The following AVIL variants were observed in gnomAD, a reference collection of about 807,000 sequenced individuals.
The protein encoded by AVIL is advillin.
Under a neutral mutation model 109.9 loss-of-function variants are expected in AVIL, and 78 were observed. The observed-to-expected ratio is 0.71, with a 90% CI of 0.59 to 0.86. AVIL has a LOEUF of 0.86. Ranked by LOEUF, AVIL falls within the 40% of genes least tolerant of loss-of-function variation. The probability of loss-of-function intolerance (pLI) is 0.00; values close to 1 mark genes in which losing one functional copy is unlikely to be tolerated. For missense variants in AVIL, 892 were observed against 1,016.5 expected (o/e 0.88, Z 1.67); for synonymous variants, 367 against 379.1 (o/e 0.97, Z 0.37).
chr12:57,815,884 G>A, intron 2 of AVIL, 91 bp downstream of exon 2: 1 of 1,593,458 alleles, frequency 6.3e-7, no homozygotes, highest in Non-Finnish European at 8.5e-7. Flanking sequence ...AGGCTAAGGG[G>A]TGCTGGCGGG....
intron 14 of AVIL, among the ~76,000 whole-genome samples, chr12:57,804,615 C>T (rs1441706106): frequency 6.6e-6 from 1 of 152,006 alleles, no homozygotes; most frequent in African/African-American, 2.4e-5. Context: ...AGTTCGAGAG[C>T]AGCCTGGGCA....
intron 13 of AVIL, 81 bp from the exon 14 acceptor site, chr12:57,806,620 A>C (rs1955951720): frequency 1.3e-6 from 2 of 1,494,988 alleles, no homozygotes; most frequent in African/African-American, 2.8e-5. Flanking sequence ...GGGAAACGTG[A>C]ATGTTATAGT....
intron 11 of AVIL, 188 bp downstream of exon 11, chr12:57,808,006 A>G (rs1316806918): frequency 2.5e-6 from 2 of 804,254 alleles, no homozygotes; most frequent in Admixed American, 2.0e-5. Context: ...TTGATAGCAC[A>G]TTTGAGGATG....
In AVIL at chr12:57,813,279, CCT is replaced by C; in HGVS notation, c.284_285del (p.Glu95GlyfsTer5). ...AAAGTGTCTGACTCATGGTACTGGA[CCT>C]CTCGGTGCTGCACAGGGCTGCCTCC... Reference protein sequence around the residue: ...YLGGSPVQHREVQYHESDTFR... With the variant: ...YLGGSPVQHRXVQYHESDTFR... On this transcript the variant is annotated frameshift_variant, in exon 4 of 20. Coordinates refer to ENST00000549994, the MANE Select transcript of AVIL (RefSeq NM_006576.4). LOFTEE classifies it high-confidence loss of function. 1 of 1,614,074 alleles carries C rather than the reference CCT, an allele frequency of 6.2e-7. No individual in the cohort carries two copies.
chr12:57,810,354 C>G lies in AVIL; in HGVS notation c.756G>C (p.Leu252Phe). 15 of 1,614,172 alleles carry G rather than the reference C, an allele frequency of 9.3e-6. No homozygotes were observed. The highest frequency in any genetic ancestry group is 1.3e-5 in the Non-Finnish European group (15 of 1,180,032). The change falls in exon 7 of 20, where the codon TTG (leucine) becomes TTC (phenylalanine). Residue 252 changes from leucine (L) to phenylalanine (F), a missense_variant. Coordinates refer to ENST00000549994, the MANE Select transcript of AVIL (RefSeq NM_006576.4). ...IDQKQKSTIM[L>F]YHISDSAGQL... The stretch of plus-strand genomic sequence containing the variant: ...AACCAGGTTGAGCTACTCACTGATA[C>G]AACATGATAGTTGATTTCTGCTTCT...
intron 1 of AVIL, among the ~76,000 whole-genome samples, chr12:57,818,019 TTTG>T (rs1322760063): frequency 7.9e-5 from 12 of 151,860 alleles, no homozygotes; most frequent in East Asian, 1.9e-4. Context: ...GAAGCTGTTT[TTTG>T]TTGTTGTTGT....
intron 3 of AVIL, 97 bp downstream of exon 3, chr12:57,814,055 G>C: frequency 7.6e-7 from 1 of 1,307,656 alleles, no homozygotes; most frequent in East Asian, 2.5e-5. Flanking sequence ...ACCGATACCA[G>C]GGACTGACTA....
chr12:57,803,409 T>A lies in AVIL; in HGVS notation c.1818-18A>T. On this transcript the variant is annotated intron_variant, in intron 15 of 19. Transcript: ENST00000549994. The stretch of plus-strand genomic sequence containing the variant: ...GCTGAAGTCTGCAATATAGTCCATT[T>A]AAGGGCATCAAGCTGCTTAGAAATG... The A allele has an allele frequency of 1.2e-6, 2 of 1,614,168 alleles. No homozygotes were observed. The highest frequency in any genetic ancestry group is 1.7e-6 in the Non-Finnish European group (2 of 1,179,998).
At position 57,802,181 on chromosome 12, in the gene AVIL, G is replaced by A. The variant is rs1013967039; in HGVS notation, c.2130C>T (p.Ala710=). Residue 710 remains alanine (A), a synonymous_variant, in exon 17 of 20, where the codon GCC becomes GCT. Coordinates refer to ENST00000549994, the MANE Select transcript of AVIL (RefSeq NM_006576.4). ...EPPIFTGWFL[A]WDPNIWSAGK... ...TTACACTCCAAATGTTAGGGTCCCA[G>A]GCTAGGAACCAGCCTGTGAAGATGG... The A allele has an allele frequency of 7.4e-6, 12 of 1,613,852 alleles. No individual in the cohort carries two copies. The Admixed American group carries it at 1.0e-4, about 13-fold the overall frequency.
chr12:57,799,762 C>T (rs1955808536), intron 19 of AVIL, 33 bp downstream of exon 19: 3 of 1,612,442 alleles, frequency 1.9e-6, no homozygotes, highest in South Asian at 2.2e-5. Context: ...GAGAGCTCCA[C>T]TTCCAACAGA....
rs766498172 is a variant in AVIL at position 57,810,479 on chromosome 12, C to G, written c.631G>C (p.Asp211His). ...AGCTCTGGGCTGGCTGCCTCCTTGT[C>G]TCCCTCGATCACTCCTATTTTAGCA... Reference protein sequence around the residue: ...GRAKIGVIEGDKEAASPELMK... With the variant: ...GRAKIGVIEGHKEAASPELMK... Residue 211 changes from aspartate to histidine, a missense_variant, in exon 7 of 20, where the codon GAC becomes CAC. Asp to His is a moderately conservative substitution (Grantham distance 81, BLOSUM62 -1). Transcript: ENST00000549994. 1.2e-6 allele frequency: 2 copies of G among 1,614,172 alleles called. No individual in the cohort carries two copies. Among genetic ancestry groups the G allele is most frequent in the Non-Finnish European group, 1.7e-6 (2 of 1,180,028 alleles).
rs199530950 is a variant in AVIL, at chr12:57,815,638, TGGAA to T, written c.66+333_66+336del. ...TGGAAGACATGTTCCATTTCTCTGA[TGGAA>T]GCTGCCAGGAGTCTGCTGAGTAGGT... On this transcript the variant is annotated intron_variant, in intron 2 of 19. Coordinates refer to ENST00000549994, the MANE Select transcript of AVIL (RefSeq NM_006576.4). 235 of 1,324,488 alleles carry T rather than the reference TGGAA, an allele frequency of 1.8e-4. 1 individual carries two copies. In the East Asian group the frequency reaches 8.0e-3, roughly 45 times the overall value. 82.0% of individuals were successfully genotyped at this position (1,324,488 alleles called of 1,614,324 possible). A position where few individuals can be genotyped will look rare whatever the true frequency, so the allele number is the denominator to read the frequency against.
At chr12:57,813,790 C>T (rs572877142) in intron 3 of AVIL, among the ~76,000 whole-genome samples, 31 of 152,342 alleles carry the variant, frequency 2.0e-4, no homozygotes, top group African/African-American at 7.5e-4. Context: ...CTGTCAGCAC[C>T]GTTCATGTGA....
In AVIL at chr12:57,816,148, G is replaced by A. The variant is rs1956099235; in HGVS notation, c.-19-89C>T. The stretch of plus-strand genomic sequence containing the variant: ...TTTCTGCCGAGCTGCTTCCCAGTCT[G>A]TTGTCAGCCATCCTGCCACACCCTC... On this transcript the variant is annotated intron_variant, in intron 1 of 19. Transcript: ENST00000549994. 3.7e-6 allele frequency: 4 copies of A among 1,090,636 alleles called. No homozygotes were observed. In the African/African-American group the frequency reaches 6.3e-5, roughly 17 times the overall value. The allele number at this position is 1,090,636 out of a possible 1,614,324, so 67.6% of individuals were successfully genotyped here.
rs1177952062 is a variant in AVIL, at chr12:57,808,353, T to C, written c.1093+42A>G. The C allele has an allele frequency of 2.5e-6, 4 of 1,614,050 alleles. No individual in the cohort carries two copies. In the Admixed American group the frequency reaches 5.0e-5, roughly 20 times the overall value. The stretch of plus-strand genomic sequence containing the variant: ...TAAGAAGCATCTGTGCCTGCTTTTC[T>C]AGAGTCTTAGCAATGAGAGGATGAT... On this transcript the variant is annotated intron_variant, in intron 10 of 19. Coordinates refer to ENST00000549994, the MANE Select transcript of AVIL (RefSeq NM_006576.4).
intron 18 of AVIL, chr12:57,800,399 G>T (rs1955822415): frequency 6.5e-6 from 1 of 153,988 alleles, no homozygotes; most frequent in Admixed American, 6.4e-5. Context: ...CACTCCTCCT[G>T]AGGTTAAAGA....
At chr12:57,802,791 G>A (rs1955876977) in intron 16 of AVIL, 1 of 576,256 alleles carries the variant, frequency 1.7e-6, no homozygotes, top group African/African-American at 1.9e-5. Context: ...AGTCACCAGG[G>A]CTGACCAACT....
rs1956060939 is a variant in AVIL at position 57,813,317 on chromosome 12, T to C, written c.248A>G (p.Asp83Gly). Residue 83 changes from aspartate to glycine, a missense_variant, in exon 4 of 20, where the codon GAC becomes GGC. Physicochemically the swap from Asp to Gly is moderately conservative, Grantham distance 94. Transcript: ENST00000549994. Reference protein sequence around the residue: ...SCAAIYTTQLDDYLGGSPVQH... With the variant: ...SCAAIYTTQLGDYLGGSPVQH... ...CACAGGGCTGCCTCCCAGGTAGTCG[T>C]CCAGCTGTGTGGTATATATGGCTGC... 6.2e-7 allele frequency: 1 copy of C among 1,614,002 alleles called. No homozygotes were observed. The highest frequency in any genetic ancestry group is 1.3e-5 in the African/African-American group (1 of 74,906).
rs1477476501 is a variant in AVIL, at chr12:57,797,992, A to G, written c.2350T>C (p.Tyr784His). ...GACACAAAGTCCTGTTCAGAGAGGTAATTCTAAGAGAGAAAACAAAGTTTC... is the reference window on the plus strand; with the variant it reads ...GACACAAAGTCCTGTTCAGAGAGGTGATTCTAAGAGAGAAAACAAAGTTTC... Reference protein sequence around the residue: ...EDVNPAKKENYLSEQDFVSVF... With the variant: ...EDVNPAKKENHLSEQDFVSVF... The change falls in exon 20 of 20, where the codon TAC becomes CAC. Residue 784 changes from tyrosine to histidine, a missense_variant. By Grantham distance (83) the Tyr-to-His change is moderately conservative. Transcript: ENST00000549994. 3.0e-5 allele frequency: 48 copies of G among 1,603,884 alleles called. No homozygotes were observed. Among genetic ancestry groups the G allele is most frequent in the Non-Finnish European group, 4.0e-5 (47 of 1,175,328 alleles).
Sources: allele counts gnomAD v4.1 joint callset (sites outside exome capture counted in the v4.1 genomes callset), GRCh38; gene constraint gnomAD v4.1.1; transcripts MANE v1.5; gene names NCBI Gene and HGNC (gene_info 2026-07-23, HGNC 2026-07-21).